The following ITGB5 variants were observed in gnomAD, a reference collection of about 807,000 sequenced individuals.
ITGB5 encodes integrin beta-5.
A neutral mutation model predicts 84.8 loss-of-function variants in ITGB5; 38 were observed. The ratio of observed to expected loss-of-function variants is 0.45; its 90% CI spans 0.35 to 0.59. The LOEUF is 0.59. ITGB5 is among the 20% of genes least tolerant of loss of function. The pLI is 0.01. For missense variants in ITGB5, 905 were observed against 1,034.5 expected (o/e 0.87, Z 1.72); for synonymous variants, 393 against 414.4 (o/e 0.95, Z 0.63).
chr3:124,804,481 G>C (rs945934742), intron 9 of ITGB5, among the ~76,000 whole-genome samples: 1 of 152,132 alleles, frequency 6.6e-6, no homozygotes, highest in Non-Finnish European at 1.5e-5. Flanking sequence ...CTTGGAGTTA[G>C]AGGTTACAGT....
intron 5 of ITGB5, among the ~76,000 whole-genome samples, chr3:124,840,274 C>T (rs562048035): frequency 6.6e-6 from 1 of 152,236 alleles, no homozygotes; most frequent in East Asian, 1.9e-4. Flanking sequence ...TGGAAGAGTC[C>T]CCACCTATTG....
chr3:124,767,101 G>A (rs16835962), intron 12 of ITGB5, among the ~76,000 whole-genome samples: 4,433 of 152,316 alleles, frequency 0.029, 74 homozygotes, highest in South Asian at 0.059. Flanking sequence ...GAGGGTTAGC[G>A]GGCTGTTTTT....
intron 4 of ITGB5, among the ~76,000 whole-genome samples, chr3:124,847,926 C>T (rs1402443453): frequency 1.3e-5 from 2 of 152,090 alleles, no homozygotes; most frequent in Non-Finnish European, 2.9e-5. Flanking sequence ...ATTTTGAATT[C>T]ATTTCTCCCA....
intron 9 of ITGB5, among the ~76,000 whole-genome samples, chr3:124,807,653 G>T (rs1399617453): frequency 6.6e-6 from 1 of 151,816 alleles, no homozygotes; most frequent in African/African-American, 2.4e-5. Flanking sequence ...AAGGGTAAGA[G>T]GTATGTCTGT....
chr3:124,766,815 G>A (rs1266473516), intron 12 of ITGB5, among the ~76,000 whole-genome samples: 2 of 152,226 alleles, frequency 1.3e-5, no homozygotes, highest in African/African-American at 4.8e-5. Flanking sequence ...TCCTTCCTGG[G>A]ATGCAAAATC....
intron 6 of ITGB5, among the ~76,000 whole-genome samples, chr3:124,821,022 C>A (rs1016571368): frequency 1.2e-4 from 19 of 152,174 alleles, no homozygotes; most frequent in African/African-American, 4.3e-4. Flanking sequence ...TGAGATCTAT[C>A]CTGTTTCCCC....
rs2063721781 is a variant in ITGB5 at position 124,763,451 on chromosome 3, A to T, written c.*172T>A. 2.0e-6 allele frequency: 1 copy of T among 505,004 alleles called. No homozygotes were observed. The allele number at this position is 505,004 out of a possible 1,614,324, so 31.3% of individuals were successfully genotyped here. A position where few individuals can be genotyped will look rare whatever the true frequency, so the allele number is the denominator to read the frequency against. On this transcript the variant is annotated 3_prime_UTR_variant, in exon 15 of 15. Transcript: ENST00000296181. ...GGCTCTGGCCTAGCAGCCAGGTGAC[A>T]TGGCCAGGCACCTTCCTGTACAGGC...
chr3:124,783,467 C>T (rs2064035664), intron 10 of ITGB5, among the ~76,000 whole-genome samples: 1 of 152,160 alleles, frequency 6.6e-6, no homozygotes, highest in African/African-American at 2.4e-5. Flanking sequence ...CACACGCAAT[C>T]AAAGCCTCTG....
chr3:124,823,655 A>G (rs1374706051), intron 5 of ITGB5, among the ~76,000 whole-genome samples: 1 of 149,312 alleles, frequency 6.7e-6, no homozygotes, highest in African/African-American at 2.4e-5. Flanking sequence ...TATATAAACT[A>G]TATATATAAC....
intron 3 of ITGB5, 125 bp from the exon 4 acceptor site, chr3:124,848,683 G>T: frequency 9.5e-7 from 1 of 1,051,412 alleles, no homozygotes; most frequent in Non-Finnish European, 1.4e-6. Context: ...CCTCACAGAA[G>T]ATTTTTCTTG....
intron 10 of ITGB5, among the ~76,000 whole-genome samples, chr3:124,789,146 C>G (rs1297220842): frequency 6.6e-6 from 1 of 152,250 alleles, no homozygotes; most frequent in Admixed American, 6.5e-5. Context: ...GATACAGCAG[C>G]AACCTGAGCC....
At chr3:124,853,728 T>A (rs1445260865) in intron 3 of ITGB5, among the ~76,000 whole-genome samples, 1 of 152,176 alleles carries the variant, frequency 6.6e-6, no homozygotes, top group African/African-American at 2.4e-5. Context: ...GTAGTTTAGT[T>A]AATAGTATTG....
At chr3:124,817,165 G>A (rs976720012) in intron 8 of ITGB5, among the ~76,000 whole-genome samples, 3 of 152,234 alleles carry the variant, frequency 2.0e-5, no homozygotes, top group South Asian at 2.1e-4. Flanking sequence ...TTCCCGCCCT[G>A]CCACTGTGAG....
At chr3:124,792,511 A>G (rs2064163399) in intron 10 of ITGB5, 1 of 152,262 alleles carries the variant, frequency 6.6e-6, no homozygotes, top group South Asian at 2.1e-4. Flanking sequence ...CAGATGGTCC[A>G]AATTACTCCT....
chr3:124,840,900 G>A (rs7645828), intron 5 of ITGB5, among the ~76,000 whole-genome samples: 4,522 of 152,112 alleles, frequency 0.03, 200 homozygotes, highest in African/African-American at 0.1. Flanking sequence ...TCCTGACCTC[G>A]TGATCCACCT....
intron 5 of ITGB5, among the ~76,000 whole-genome samples, chr3:124,838,697 G>T (rs1325769547): frequency 6.6e-6 from 1 of 152,102 alleles, no homozygotes; most frequent in Non-Finnish European, 1.5e-5. Context: ...CGCCTCCGGG[G>T]TTCACACCAT....
intron 10 of ITGB5, among the ~76,000 whole-genome samples, chr3:124,784,567 T>C (rs2064053145): frequency 1.3e-5 from 2 of 152,316 alleles, no homozygotes; most frequent in South Asian, 4.1e-4. Flanking sequence ...ATTAAGGCAG[T>C]GGAGGGAAGA....
chr3:124,838,648 C>CTGGA (rs942561291), intron 5 of ITGB5, among the ~76,000 whole-genome samples: 1 of 152,024 alleles, frequency 6.6e-6, no homozygotes, highest in Admixed American at 6.6e-5. Flanking sequence ...GTTGCCCAGG[C>CTGGA]TGGAGTGCAG....
chr3:124,886,697 G>A (rs1388806506), intron 1 of ITGB5, among the ~76,000 whole-genome samples: 5 of 151,894 alleles, frequency 3.3e-5, no homozygotes. Flanking sequence ...GTTTACACAG[G>A]AAGGGAAGCT....
Sources: gnomAD v4.1 joint callset for allele counts (sites outside exome capture counted in the v4.1 genomes callset) on GRCh38, gnomAD v4.1.1 for gene constraint, MANE v1.5 for transcripts, NCBI Gene and HGNC (gene_info 2026-07-23, HGNC 2026-07-21) for gene names.